Variants in PLCB1 observed in about 807,000 individuals in gnomAD.
The protein encoded by PLCB1 is phospholipase C beta 1.
Under a neutral mutation model 161.8 loss-of-function variants are expected in PLCB1, and 46 were observed. The ratio of observed to expected loss-of-function variants is 0.28; its 90% confidence interval spans 0.22 to 0.36. The LOEUF is 0.36. Among genes scored for constraint, PLCB1 ranks in the 10% least tolerant of loss-of-function variants. The pLI is 1.00. For synonymous variants in PLCB1, 517 were observed against 503.7 expected (o/e 1.03, Z -0.35); for missense variants, 1,016 against 1,472.5 (o/e 0.69, Z 5.07).
intron 3 of PLCB1, among the ~76,000 whole-genome samples, chr20:8,474,968 A>C (rs758410924): frequency 6.6e-6 from 1 of 151,942 alleles, no homozygotes; most frequent in Non-Finnish European, 1.5e-5. Flanking sequence ...CCAGATATCT[A>C]GTAACAATAT....
chr20:8,244,657 T>C lies in PLCB1; in HGVS notation c.177+94286T>C, dbSNP rs564767442. 2.0e-5 allele frequency among the ~76,000 whole-genome samples: 3 copies of C among 151,960 alleles called. No homozygotes were observed. The South Asian group carries it at 6.2e-4, about 32-fold the overall frequency. On this transcript the variant is annotated intron_variant, in intron 2 of 31. Transcript: ENST00000338037. Reference sequence around the variant, plus strand: ...AGTGGTGCTTTCATGAGTGTGTACATATGCAAACACTCATCCCACTGTGCA... The same window carrying C: ...AGTGGTGCTTTCATGAGTGTGTACACATGCAAACACTCATCCCACTGTGCA...
At chr20:8,185,526 G>A (rs1345008702) in intron 2 of PLCB1, among the ~76,000 whole-genome samples, 6 of 151,298 alleles carry the variant, frequency 4.0e-5, no homozygotes, top group Non-Finnish European at 7.4e-5. Flanking sequence ...TCCAGAAAGT[G>A]TGTGTAAAGA....
intron 27 of PLCB1, among the ~76,000 whole-genome samples, chr20:8,783,927 G>T (rs987077588): frequency 6.6e-6 from 1 of 152,150 alleles, no homozygotes; most frequent in South Asian, 2.1e-4. Flanking sequence ...GCCAAGAGAT[G>T]GGGGGTAAAA....
intron 2 of PLCB1, among the ~76,000 whole-genome samples, chr20:8,347,216 T>C (rs1986028646): frequency 6.6e-6 from 1 of 152,250 alleles, no homozygotes; most frequent in Admixed American, 6.5e-5. Context: ...TATTGTGCTA[T>C]TTATGGAATA....
intron 25 of PLCB1, among the ~76,000 whole-genome samples, chr20:8,761,665 C>T (rs1375275010): frequency 2.0e-5 from 3 of 152,038 alleles, no homozygotes; most frequent in East Asian, 1.9e-4. Flanking sequence ...ATTACAAGCA[C>T]GTGCCACCAC....
chr20:8,845,071 G>A (rs1275079462), intron 31 of PLCB1, among the ~76,000 whole-genome samples: 8 of 152,162 alleles, frequency 5.3e-5, no homozygotes, highest in Non-Finnish European at 4.4e-5. Context: ...CCGAGATCAC[G>A]CCACTGCACT....
chr20:8,515,035 CAT>C (rs1984053929), intron 3 of PLCB1, among the ~76,000 whole-genome samples: 1 of 152,094 alleles, frequency 6.6e-6, no homozygotes, highest in African/African-American at 2.4e-5. Context: ...GGCCCACTAA[CAT>C]TGATTAGCTT....
At chr20:8,291,991 GT>G (rs766648183) in intron 2 of PLCB1, among the ~76,000 whole-genome samples, 8 of 152,144 alleles carry the variant, frequency 5.3e-5, no homozygotes, top group Non-Finnish European at 1.2e-4. Context: ...CCCAGGCTCT[GT>G]TATAGTGAAG....
chr20:8,622,385 G>T lies in PLCB1; in HGVS notation c.247-5909G>T, dbSNP rs546308978. Among the ~76,000 whole-genome samples the T allele has an allele frequency of 5.9e-5, 9 of 152,008 alleles. No individual in the cohort carries two copies. In the South Asian group the frequency reaches 1.9e-3, roughly 32 times the overall value. ...TATTTCCTATAATCACTTCTTTAAT[G>T]TTGTAACAGGTGTATTCAATCCATT... On this transcript the variant is annotated intron_variant, in intron 3 of 31. Transcript: ENST00000338037.
intron 3 of PLCB1, among the ~76,000 whole-genome samples, chr20:8,617,257 TACAC>T (rs1335975844): frequency 3.9e-5 from 6 of 152,168 alleles, no homozygotes; most frequent in African/African-American, 1.4e-4. Flanking sequence ...TACAGATTGA[TACAC>T]ACAGCCATTA....
chr20:8,573,623 C>T (rs1052259909), intron 3 of PLCB1, among the ~76,000 whole-genome samples: 1 of 152,192 alleles, frequency 6.6e-6, no homozygotes, highest in Non-Finnish European at 1.5e-5. Flanking sequence ...GAGACTCTGG[C>T]CAAATGATCC....
At chr20:8,753,325 C>A (rs1325496984) in intron 23 of PLCB1, among the ~76,000 whole-genome samples, 2 of 152,132 alleles carry the variant, frequency 1.3e-5, no homozygotes, top group Non-Finnish European at 1.5e-5. Context: ...ACCTCCTCTC[C>A]CCCTGGTCCA....
chr20:8,627,708 A>G (rs1314025803), intron 3 of PLCB1, among the ~76,000 whole-genome samples: 1 of 152,254 alleles, frequency 6.6e-6, no homozygotes, highest in African/African-American at 2.4e-5. Flanking sequence ...TGCTCTAAAA[A>G]GACTGCAGAA....
At chr20:8,480,638 A>T (rs952941254) in intron 3 of PLCB1, among the ~76,000 whole-genome samples, 1 of 152,130 alleles carries the variant, frequency 6.6e-6, no homozygotes, top group Non-Finnish European at 1.5e-5. Context: ...TACTATCCAG[A>T]TGCTCCCCCA....
intron 31 of PLCB1, among the ~76,000 whole-genome samples, chr20:8,821,487 AAAAAAAAAAATATG>A (rs1364779323): frequency 7.5e-4 from 30 of 40,044 alleles, no homozygotes; most frequent in African/African-American, 2.8e-3. Context: ...CAAAAAAAAA[AAAAAAAAAAATATG>A]TATATATATA....
At chr20:8,532,375 A>G (rs776111515) in intron 3 of PLCB1, among the ~76,000 whole-genome samples, 30 of 152,100 alleles carry the variant, frequency 2.0e-4, no homozygotes, top group Non-Finnish European at 3.2e-4. Context: ...TGGGGAAGCA[A>G]TCTCTTCCAC....
intron 31 of PLCB1, among the ~76,000 whole-genome samples, chr20:8,843,561 T>A (rs1238306783): frequency 1.3e-5 from 2 of 152,132 alleles, no homozygotes; most frequent in Admixed American, 1.3e-4. Flanking sequence ...TGTGTGTTCA[T>A]TTTTACGTTG....
chr20:8,706,987 C>G (rs943129398), intron 11 of PLCB1, among the ~76,000 whole-genome samples: 3 of 152,124 alleles, frequency 2.0e-5, no homozygotes, highest in African/African-American at 7.2e-5. Flanking sequence ...ATTCAAAAGT[C>G]GGTTTGAATC....
chr20:8,694,163 A>C (rs933206426), intron 10 of PLCB1, among the ~76,000 whole-genome samples: 4 of 152,246 alleles, frequency 2.6e-5, no homozygotes, highest in African/African-American at 9.6e-5. Context: ...TTGAGGCTTA[A>C]GGCAGAAAAG....
Sources: allele counts gnomAD v4.1 joint callset (sites outside exome capture counted in the v4.1 genomes callset), GRCh38; gene constraint gnomAD v4.1.1; transcripts MANE v1.5; gene names NCBI Gene and HGNC (gene_info 2026-07-23, HGNC 2026-07-21).